SH3KBP1: variants seen among roughly 807,000 people sequenced by gnomAD.
SH3KBP1 encodes the protein SH3 domain-containing kinase-binding protein 1.
In SH3KBP1, 8 loss-of-function variants were observed where a neutral mutation model predicts 50.1. The ratio of observed to expected loss-of-function variants is 0.16; its 90% CI spans 0.09 to 0.29. The LOEUF (loss-of-function observed/expected upper bound fraction) is 0.29. Ranked by LOEUF, SH3KBP1 falls within the 10% of genes least tolerant of loss-of-function variation. SH3KBP1 has a pLI of 1.00. For missense variants in SH3KBP1, 377 were observed against 535.2 expected, an observed-to-expected ratio of 0.70 and a Z score of 2.92; for synonymous variants, 227 against 218.6, an observed-to-expected ratio of 1.04 and a Z score of -0.34.
At chrX:19,676,134 A>G (rs896073355) in intron 6 of SH3KBP1, among the ~76,000 whole-genome samples, 1 of 112,013 alleles carries the variant, frequency 8.9e-6, no homozygotes, top group African/African-American at 3.3e-5. Context: ...GGTCTCAGAT[A>G]ATCACAACAA....
intron 1 of SH3KBP1, among the ~76,000 whole-genome samples, chrX:19,875,150 G>A (rs765352462): frequency 9.9e-5 from 11 of 110,989 alleles, no homozygotes; most frequent in Admixed American, 9.5e-4. Context: ...AGCGCCAGAC[G>A]ATGTCACAAC....
intron 12 of SH3KBP1, among the ~76,000 whole-genome samples, chrX:19,577,498 G>C (rs2066236352): frequency 9.0e-6 from 1 of 111,205 alleles, no homozygotes; most frequent in Non-Finnish European, 1.9e-5. Flanking sequence ...CTATCCAGAG[G>C]GGCCTGTTCT....
At chrX:19,684,361 T>A (rs1190612030) in intron 5 of SH3KBP1, among the ~76,000 whole-genome samples, 2 of 111,847 alleles carry the variant, frequency 1.8e-5, no homozygotes, top group African/African-American at 3.3e-5. Flanking sequence ...GCCTGTGCAA[T>A]AGCAACCCTT....
intron 2 of SH3KBP1, among the ~76,000 whole-genome samples, chrX:19,747,339 T>C (rs1200860118): frequency 3.6e-5 from 4 of 112,173 alleles, no homozygotes; most frequent in African/African-American, 1.3e-4. Flanking sequence ...TATACAGGAA[T>C]TCCCCCCAAA....
At chrX:19,796,328 A>C (rs1247695170) in intron 2 of SH3KBP1, among the ~76,000 whole-genome samples, 2 of 111,742 alleles carry the variant, frequency 1.8e-5, no homozygotes, top group African/African-American at 6.5e-5. Context: ...CCATTTTGCT[A>C]TCTCTAAAAT....
At chrX:19,704,224 G>A (rs1051961068) in intron 4 of SH3KBP1, among the ~76,000 whole-genome samples, 5 of 112,345 alleles carry the variant, frequency 4.5e-5, no homozygotes, top group Admixed American at 1.9e-4. Flanking sequence ...AGCTGGCAGC[G>A]AATAATAGAA....
chrX:19,537,712 C>T lies in SH3KBP1; in HGVS notation c.1956+5G>A, dbSNP rs1337298134. On this transcript the variant is annotated splice_donor_5th_base_variant and intron_variant, in intron 17 of 17. Coordinates refer to ENST00000397821, the MANE Select transcript of SH3KBP1 (RefSeq NM_031892.3). ...TCACGGGCAGCAGAACCCAAAGGGA[C>T]GCACCTGCAACCGAAGCCGGATTTT... 8 of 1,206,176 alleles carry T rather than the reference C, an allele frequency of 6.6e-6. No individual in the cohort carries two copies. Among genetic ancestry groups the T allele is most frequent in the Admixed American group, 6.6e-5 (3 of 45,709 alleles).
chrX:19,853,157 C>CGTGT (rs200195294), intron 1 of SH3KBP1, among the ~76,000 whole-genome samples: 1 of 111,819 alleles, frequency 8.9e-6, no homozygotes, highest in Admixed American at 9.5e-5. Flanking sequence ...TGCGTGTGCA[C>CGTGT]GTGTGTGTGT....
intron 6 of SH3KBP1, among the ~76,000 whole-genome samples, chrX:19,676,560 C>G (rs761166688): frequency 2.3e-4 from 26 of 110,944 alleles, no homozygotes; most frequent in Non-Finnish European, 4.2e-4. Flanking sequence ...CCATGATGTG[C>G]TTATTTCACA....
rs189072813 is a variant in SH3KBP1 at position 19,858,670 on chromosome X, A to T, written c.5-22388T>A. Among the ~76,000 whole-genome samples the T allele has an allele frequency of 5.3e-4, 59 of 112,248 alleles. 1 individual carries two copies. In the East Asian group the frequency reaches 7.5e-3, roughly 14 times the overall value. ...AGATGCAGACTTTACTCAACAATTT[A>T]TCTCAGTCAAGATCAAAAGTTCTCC... On this transcript the variant is annotated intron_variant, in intron 1 of 17. Transcript: ENST00000397821.
At chrX:19,568,979 C>T in intron 13 of SH3KBP1, 124 bp downstream of exon 13, 1 of 581,016 alleles carries the variant, frequency 1.7e-6, no homozygotes. Context: ...TAAAGCCAAG[C>T]AAGGGTGCCA....
rs1556346157 is a variant in SH3KBP1 at position 19,760,041 on chromosome X, C to CCTCTCCCTCTCTCTCT, written c.163-13601_163-13600insAGAGAGAGAGGGAGAG. ...TCTCTCTCCTCTCTCTCTCTCTCTC[C>CCTCTCCCTCTCTCTCT]CTCTCTCTCTCTCTCTCTCTCTCTC... is the stretch of plus-strand genomic sequence containing the variant. On this transcript the variant is annotated intron_variant, in intron 2 of 17. Coordinates refer to ENST00000397821, the MANE Select transcript of SH3KBP1 (RefSeq NM_031892.3). Among the ~76,000 whole-genome samples, 159 of 50,425 alleles carry CCTCTCCCTCTCTCTCT rather than the reference C, an allele frequency of 3.2e-3. 4 individuals are homozygous for CCTCTCCCTCTCTCTCT. Among genetic ancestry groups the CCTCTCCCTCTCTCTCT allele is most frequent in the African/African-American group, 0.014 (148 of 10,726 alleles). The allele number at this position is 50,425 out of a possible 115,157, so 43.8% of individuals were successfully genotyped here.
intron 2 of SH3KBP1, among the ~76,000 whole-genome samples, chrX:19,788,601 C>T (rs1011269646): frequency 7.1e-5 from 8 of 111,955 alleles, no homozygotes; most frequent in African/African-American, 2.6e-4. Context: ...GTGTCAGGTA[C>T]AGTAAATATT....
intron 3 of SH3KBP1, among the ~76,000 whole-genome samples, chrX:19,745,985 C>T (rs780867352): frequency 1.6e-4 from 18 of 112,550 alleles, no homozygotes; most frequent in African/African-American, 5.8e-4. Flanking sequence ...GTCAGACACA[C>T]GGCTCAGGCC....
intron 2 of SH3KBP1, among the ~76,000 whole-genome samples, chrX:19,807,994 A>T (rs766034077): frequency 9.0e-6 from 1 of 111,681 alleles, no homozygotes; most frequent in East Asian, 2.8e-4. Flanking sequence ...GTTCCTATGA[A>T]CATCAAAAAC....
At chrX:19,757,887 T>C (rs1487036646) in intron 2 of SH3KBP1, among the ~76,000 whole-genome samples, 1 of 111,725 alleles carries the variant, frequency 9.0e-6, no homozygotes, top group Non-Finnish European at 1.9e-5. Context: ...GATCCAACAG[T>C]GTATGCTAAC....
intron 3 of SH3KBP1, among the ~76,000 whole-genome samples, chrX:19,733,604 A>T (rs2064443716): frequency 1.8e-5 from 2 of 111,118 alleles, no homozygotes; most frequent in African/African-American, 6.5e-5. Context: ...AAAAGGAGAT[A>T]AGCTAGGTGA....
rs1008471841 is a variant in SH3KBP1, at chrX:19,542,203, G to C, written c.1624-10C>G. 1.7e-6 allele frequency: 2 copies of C among 1,162,301 alleles called. No individual in the cohort carries two copies. Among genetic ancestry groups the C allele is most frequent in the Non-Finnish European group, 2.3e-6 (2 of 871,708 alleles). On this transcript the variant is annotated splice_polypyrimidine_tract_variant and intron_variant, in intron 15 of 17. Coordinates refer to ENST00000397821, the MANE Select transcript of SH3KBP1 (RefSeq NM_031892.3). ...CTTTGTTGTCAGACACCTGTGACGA[G>C]GGAAGGCAGGGAGGGTTCAGGGCCG...
chrX:19,562,766 G>C (rs2065722595), intron 13 of SH3KBP1, among the ~76,000 whole-genome samples: 1 of 111,501 alleles, frequency 9.0e-6, no homozygotes, highest in Non-Finnish European at 1.9e-5. Flanking sequence ...ACTAGCCTCT[G>C]TGACCCTCTC....
Sources: allele counts gnomAD v4.1 joint callset (sites outside exome capture counted in the v4.1 genomes callset), GRCh38; gene constraint gnomAD v4.1.1; transcripts MANE v1.5; gene names NCBI Gene and HGNC (gene_info 2026-07-23, HGNC 2026-07-21).